The following THSD4 variants were observed in gnomAD, a reference collection of about 807,000 sequenced individuals.
THSD4 encodes thrombospondin type-1 domain-containing protein 4.
A neutral mutation model predicts 119.0 loss-of-function variants in THSD4; 69 were observed. The ratio of observed to expected loss-of-function variants is 0.58; its 90% confidence interval spans 0.48 to 0.71. The LOEUF is 0.71. Among genes scored for constraint, THSD4 ranks in the 30% least tolerant of loss-of-function variants. The pLI, the probability that THSD4 is intolerant of heterozygous loss-of-function variation, is 0.00. For synonymous variants in THSD4, 524 were observed against 540.4 expected (o/e 0.97, Z 0.42); for missense variants, 1,393 against 1,391.1 (o/e 1.00, Z -0.02).
chr15:71,313,733 C>A (rs1410499109), intron 6 of THSD4, among the ~76,000 whole-genome samples: 1 of 152,072 alleles, frequency 6.6e-6, no homozygotes, highest in Non-Finnish European at 1.5e-5. Flanking sequence ...TTCATACTTA[C>A]CCCTCCCCAG....
At chr15:71,774,535 A>G (rs2053880109) in intron 17 of THSD4, among the ~76,000 whole-genome samples, 3 of 152,210 alleles carry the variant, frequency 2.0e-5, no homozygotes, top group Admixed American at 2.0e-4. Flanking sequence ...ATCAATATCT[A>G]TCAAGATACA....
Position 71,277,116 on chromosome 15 carries a change from A to ATTCTTCTTCT in THSD4, c.1015+20403_1015+20412dup, listed in dbSNP as rs2140309954. 1.3e-4 allele frequency among the ~76,000 whole-genome samples: 14 copies of ATTCTTCTTCT among 109,244 alleles called. No homozygotes were observed. In the South Asian group the frequency reaches 3.6e-3, roughly 28 times the overall value. 71.7% of individuals were successfully genotyped at this position (109,244 alleles called of 152,430 possible). On this transcript the variant is annotated intron_variant, in intron 6 of 17. Transcript: ENST00000261862. ...GGTACTGGCAACTATTTGTATTTGA[A>ATTCTTCTTCT]TTCTTCTTCTTCTTTTTTTTTTTTT... is the stretch of plus-strand genomic sequence containing the variant.
chr15:71,626,001 ATCT>A lies in THSD4; in HGVS notation c.1153-34524_1153-34522del, dbSNP rs1468917407. Among the ~76,000 whole-genome samples the A allele has an allele frequency of 3.9e-5, 6 of 152,302 alleles. No homozygotes were observed. The South Asian group carries it at 8.3e-4, about 21-fold the overall frequency. On this transcript the variant is annotated intron_variant, in intron 7 of 17. Coordinates refer to ENST00000261862, the MANE Select transcript of THSD4 (RefSeq NM_024817.3). ...GTGGCACATCTCTCCAGTTATTTAG[ATCT>A]TCTTTTACGTCCTTTTAGAGGATTT... is the stretch of plus-strand genomic sequence containing the variant.
chr15:71,234,374 T>C (rs764208711), intron 4 of THSD4, among the ~76,000 whole-genome samples: 3 of 152,292 alleles, frequency 2.0e-5, no homozygotes, highest in Non-Finnish European at 2.9e-5. Flanking sequence ...GGCACGATCT[T>C]GGCTCACTGC....
intron 7 of THSD4, among the ~76,000 whole-genome samples, chr15:71,521,750 A>G (rs1290384632): frequency 6.6e-6 from 1 of 152,136 alleles, no homozygotes; most frequent in African/African-American, 2.4e-5. Flanking sequence ...TGCTGTCCCT[A>G]AATGTTCCTC....
At chr15:71,280,417 CA>C (rs2044637898) in intron 6 of THSD4, among the ~76,000 whole-genome samples, 2 of 152,186 alleles carry the variant, frequency 1.3e-5, no homozygotes, top group African/African-American at 4.8e-5. Flanking sequence ...CAAAATCCTG[CA>C]AAACCTCTTT....
intron 7 of THSD4, among the ~76,000 whole-genome samples, chr15:71,571,637 TCTC>T (rs756501828): frequency 2.3e-4 from 35 of 152,130 alleles, no homozygotes; most frequent in Non-Finnish European, 4.6e-4. Flanking sequence ...TGGACAGGAT[TCTC>T]CTCTGAGCCC....
At position 71,599,719 on chromosome 15, in the gene THSD4, C is replaced by T. The variant is rs947777258; in HGVS notation, c.1153-60811C>T. ...TAAATTAAGAGCTGTTCCCTTCTGCCGCTCAGCCGCTCCAGTGGACTCTGG... is the reference window on the plus strand; with the variant it reads ...TAAATTAAGAGCTGTTCCCTTCTGCTGCTCAGCCGCTCCAGTGGACTCTGG... On this transcript the variant is annotated intron_variant, in intron 7 of 17. Coordinates refer to ENST00000261862, the MANE Select transcript of THSD4 (RefSeq NM_024817.3). Among the ~76,000 whole-genome samples the T allele has an allele frequency of 9.2e-5, 14 of 152,300 alleles. No individual in the cohort carries two copies. In the East Asian group the frequency reaches 1.4e-3, roughly 15 times the overall value.
chr15:71,656,600 A>G (rs535779781), intron 7 of THSD4, among the ~76,000 whole-genome samples: 15 of 152,254 alleles, frequency 9.9e-5, no homozygotes, highest in Admixed American at 2.6e-4. Context: ...CTCTGCACCT[A>G]GGTCACTGTC....
At chr15:71,721,433 G>A (rs1039844009) in intron 8 of THSD4, among the ~76,000 whole-genome samples, 3 of 152,102 alleles carry the variant, frequency 2.0e-5, no homozygotes, top group Admixed American at 1.3e-4. Context: ...ACTTGAACCT[G>A]GGAGGCGGAG....
chr15:71,387,146 C>T (rs770163980), intron 6 of THSD4, among the ~76,000 whole-genome samples: 51 of 151,802 alleles, frequency 3.4e-4, no homozygotes, highest in South Asian at 1.5e-3. Context: ...GCTTTTATCA[C>T]GTTTGAAGAA....
chr15:71,656,443 TG>T (rs1200514784), intron 7 of THSD4, among the ~76,000 whole-genome samples: 1 of 152,158 alleles, frequency 6.6e-6, no homozygotes, highest in Admixed American at 6.5e-5. Context: ...TCACACACTG[TG>T]TATAAAGTAT....
intron 1 of THSD4, among the ~76,000 whole-genome samples, chr15:71,097,597 C>A (rs1169077661): frequency 2.0e-5 from 3 of 149,650 alleles, no homozygotes; most frequent in Non-Finnish European, 3.0e-5. Flanking sequence ...CCAAATGAGA[C>A]AACAAAGAAG....
Position 71,340,603 on chromosome 15 carries a change from C to CTT in THSD4, c.1016-71065_1016-71064dup, listed in dbSNP as rs780712768. On this transcript the variant is annotated intron_variant, in intron 6 of 17. Coordinates refer to ENST00000261862, the MANE Select transcript of THSD4 (RefSeq NM_024817.3). Reference sequence around the variant, plus strand: ...TTGGGCCTTAATGAGCATCCAGAGACTTTTTTTTTTTTTTTTTTTTGCGAC... The same window carrying CTT: ...TTGGGCCTTAATGAGCATCCAGAGACTTTTTTTTTTTTTTTTTTTTTTGCGAC... Among the ~76,000 whole-genome samples, 317 of 115,160 alleles carry CTT rather than the reference C, an allele frequency of 2.8e-3. 2 individuals are homozygous for CTT. The highest frequency in any genetic ancestry group is 4.6e-3 in the African/African-American group (136 of 29,270). 75.5% of individuals were successfully genotyped at this position (115,160 alleles called of 152,430 possible).
At chr15:71,540,685 C>A (rs2048747758) in intron 7 of THSD4, among the ~76,000 whole-genome samples, 1 of 133,420 alleles carries the variant, frequency 7.5e-6, no homozygotes, top group Non-Finnish European at 1.6e-5. Context: ...CCTCAGGCTC[C>A]CAAAGTGCTG....
chr15:71,247,593 CA>C (rs1372834550), intron 5 of THSD4, among the ~76,000 whole-genome samples: 6 of 152,048 alleles, frequency 3.9e-5, no homozygotes, highest in African/African-American at 1.4e-4. Flanking sequence ...TTAGGAAGAG[CA>C]AGTGACAGGG....
chr15:71,513,398 A>T (rs2048310960), intron 7 of THSD4, among the ~76,000 whole-genome samples: 1 of 152,242 alleles, frequency 6.6e-6, no homozygotes, highest in Non-Finnish European at 1.5e-5. Context: ...TGTATTTAGA[A>T]TATGGAAAGA....
intron 7 of THSD4, among the ~76,000 whole-genome samples, chr15:71,478,582 AAG>A (rs1483584468): frequency 6.6e-6 from 1 of 152,224 alleles, no homozygotes; most frequent in East Asian, 1.9e-4. Context: ...CAGCATTGTG[AAG>A]AGAGATTTAG....
intron 8 of THSD4, among the ~76,000 whole-genome samples, chr15:71,712,376 T>G (rs1282539009): frequency 6.6e-6 from 1 of 152,210 alleles, no homozygotes; most frequent in Non-Finnish European, 1.5e-5. Flanking sequence ...AAAGCAGTGC[T>G]TAGCAGAAAT....
Sources: gnomAD v4.1 joint callset for allele counts (sites outside exome capture counted in the v4.1 genomes callset) on GRCh38, gnomAD v4.1.1 for gene constraint, MANE v1.5 for transcripts, NCBI Gene and HGNC (gene_info 2026-07-23, HGNC 2026-07-21) for gene names.